CMC1: variants seen among roughly 807,000 people sequenced by gnomAD.
CMC1 encodes COX assembly mitochondrial protein homolog.
In CMC1, 14 loss-of-function variants were observed where a neutral mutation model predicts 14.1. That is an observed-to-expected ratio of 0.99 (90% CI 0.66 to 1.55). CMC1 has a LOEUF of 1.55. Among genes scored for constraint, CMC1 ranks in the 40% most tolerant of loss-of-function variants. The pLI is 0.00. For synonymous variants in CMC1, 50 were observed against 38.4 expected (o/e 1.30, Z -1.12); for missense variants, 127 against 123.8 (o/e 1.03, Z -0.12).
chr3:28,248,402 C>T (rs768574432), intron 1 of CMC1, among the ~76,000 whole-genome samples: 22 of 152,138 alleles, frequency 1.4e-4, no homozygotes, highest in Non-Finnish European at 2.8e-4. Flanking sequence ...GACTTATTGT[C>T]TCAGACTTTG....
intron 2 of CMC1, among the ~76,000 whole-genome samples, chr3:28,283,635 C>A (rs1701027221): frequency 6.6e-6 from 1 of 151,364 alleles, no homozygotes; most frequent in African/African-American, 2.4e-5. Flanking sequence ...TCTTTTTAAG[C>A]CTATTGGGTC....
chr3:28,279,271 G>C (rs2125512622), intron 2 of CMC1, among the ~76,000 whole-genome samples: 1 of 152,254 alleles, frequency 6.6e-6, no homozygotes, highest in South Asian at 2.1e-4. Context: ...CCAAGGACAG[G>C]GTTTGGTGTA....
chr3:28,242,171 C>T (rs534921346), intron 1 of CMC1, among the ~76,000 whole-genome samples: 1 of 152,302 alleles, frequency 6.6e-6, no homozygotes, highest in East Asian at 1.9e-4. Flanking sequence ...TGTTCTGGCG[C>T]ACAGTTTTAC....
At chr3:28,263,253 C>T (rs1559407776) in intron 1 of CMC1, 38 bp from the exon 2 acceptor site, 4 of 1,456,330 alleles carry the variant, frequency 2.7e-6, no homozygotes, top group East Asian at 2.3e-5. Flanking sequence ...TGGTGATTTG[C>T]TTGAGACTTT....
At chr3:28,275,237 C>G (rs758303931) in intron 2 of CMC1, among the ~76,000 whole-genome samples, 5 of 151,026 alleles carry the variant, frequency 3.3e-5, no homozygotes, top group African/African-American at 9.8e-5. Flanking sequence ...GTTTATCTAG[C>G]TTCGGTCTTT....
chr3:28,295,087 T>C (rs922977242), intron 2 of CMC1, among the ~76,000 whole-genome samples: 15 of 152,184 alleles, frequency 9.9e-5, no homozygotes, highest in African/African-American at 2.9e-4. Context: ...AATGTTTTTC[T>C]AACAGACTCA....
chr3:28,254,262 A>G (rs1345711277), intron 1 of CMC1, among the ~76,000 whole-genome samples: 1 of 152,224 alleles, frequency 6.6e-6, no homozygotes, highest in African/African-American at 2.4e-5. Flanking sequence ...ACTTTGTAAT[A>G]TTGTGAATCA....
intron 2 of CMC1, chr3:28,291,656 G>C (rs1701474903): frequency 6.6e-6 from 1 of 152,064 alleles, no homozygotes; most frequent in South Asian, 2.1e-4. Context: ...TTGCCTTGCT[G>C]TTTCTCTGAA....
At chr3:28,291,866 C>T (rs1701485545) in intron 2 of CMC1, 2 of 152,150 alleles carry the variant, frequency 1.3e-5, no homozygotes, top group South Asian at 4.1e-4. Flanking sequence ...TGTGGGGTTA[C>T]CTTTGGGTTA....
chr3:28,274,220 C>CTTTTTTTTTTTTTTTTTTTT (rs544985268), intron 2 of CMC1, among the ~76,000 whole-genome samples: 1 of 112,326 alleles, frequency 8.9e-6, no homozygotes, highest in African/African-American at 3.3e-5. Flanking sequence ...TTGTTTTTTT[C>CTTTTTTTTTTTTTTTTTTTT]TTTTTTTTTT....
chr3:28,316,806 T>G (rs1163354381), intron 3 of CMC1: 1 of 154,100 alleles, frequency 6.5e-6, no homozygotes, highest in Non-Finnish European at 1.4e-5. Flanking sequence ...ATTTGTTGGA[T>G]TAATATAATT....
chr3:28,270,795 G>T (rs908873339), intron 2 of CMC1, among the ~76,000 whole-genome samples: 2 of 151,544 alleles, frequency 1.3e-5, no homozygotes, highest in African/African-American at 4.9e-5. Flanking sequence ...GTTGCAATTG[G>T]TTTTGGCATT....
intron 1 of CMC1, among the ~76,000 whole-genome samples, chr3:28,245,354 C>T (rs186559965): frequency 4.9e-4 from 74 of 152,270 alleles, no homozygotes; most frequent in African/African-American, 1.7e-3. Context: ...AATTTTCAGA[C>T]ATGATTATAT....
intron 2 of CMC1, among the ~76,000 whole-genome samples, chr3:28,278,917 G>A (rs1251753679): frequency 2.6e-5 from 4 of 151,914 alleles, no homozygotes; most frequent in African/African-American, 9.7e-5. Context: ...TTGTGAATGG[G>A]GTCAATCAGA....
At chr3:28,265,712 A>G (rs1218709879) in intron 2 of CMC1, among the ~76,000 whole-genome samples, 2 of 152,160 alleles carry the variant, frequency 1.3e-5, no homozygotes, top group East Asian at 1.9e-4. Flanking sequence ...CAGCTTTTCC[A>G]TGGACAAAGA....
chr3:28,257,832 G>C (rs892401667), intron 1 of CMC1, among the ~76,000 whole-genome samples: 1 of 151,924 alleles, frequency 6.6e-6, no homozygotes, highest in Non-Finnish European at 1.5e-5. Flanking sequence ...CATTTATCTT[G>C]CATAAGTGAA....
intron 2 of CMC1, among the ~76,000 whole-genome samples, chr3:28,304,870 A>G (rs932474018): frequency 6.6e-5 from 10 of 152,212 alleles, no homozygotes; most frequent in Non-Finnish European, 1.0e-4. Context: ...AACATAATCT[A>G]TTTTAAAGAT....
At chr3:28,295,667 C>T (rs1030486424) in intron 2 of CMC1, among the ~76,000 whole-genome samples, 3 of 152,046 alleles carry the variant, frequency 2.0e-5, no homozygotes, top group Non-Finnish European at 4.4e-5. Context: ...TCATATATCC[C>T]TAGAACCTAA....
At chr3:28,296,178 G>C (rs1351753005) in intron 2 of CMC1, among the ~76,000 whole-genome samples, 1 of 151,980 alleles carries the variant, frequency 6.6e-6, no homozygotes, top group Non-Finnish European at 1.5e-5. Context: ...CAGTAAACTA[G>C]AATGTGACAG....
Sources: allele counts gnomAD v4.1 joint callset (sites outside exome capture counted in the v4.1 genomes callset), GRCh38; gene constraint gnomAD v4.1.1; transcripts MANE v1.5; gene names NCBI Gene and HGNC (gene_info 2026-07-23, HGNC 2026-07-21).